SSBP4: variants seen among roughly 807,000 people sequenced by gnomAD.
The protein encoded by SSBP4 is single stranded DNA binding protein 4.
A neutral mutation model predicts 64.6 loss-of-function variants in SSBP4; 33 were observed. That is an observed-to-expected ratio of 0.51 (90% confidence interval 0.39 to 0.68). The LOEUF is 0.68. Among genes scored for constraint, SSBP4 ranks in the 30% least tolerant of loss-of-function variants. The probability of loss-of-function intolerance (pLI) is 0.00; values close to 1 mark genes in which losing one functional copy is unlikely to be tolerated. For synonymous variants in SSBP4, 243 were observed against 224.0 expected (o/e 1.08, Z -0.76); for missense variants, 583 against 566.8 (o/e 1.03, Z -0.29).
At chr19:18,408,801 A>T in the SSBP4 span, among the ~76,000 whole-genome samples, 1 of 151,152 alleles carries the variant, frequency 6.6e-6, no homozygotes, top group Non-Finnish European at 1.5e-5. Context: ...CAAACCACCA[A>T]ATTAAGACAG....
At chr19:18,419,921 G>A (rs1465201811) in intron 1 of SSBP4, among the ~76,000 whole-genome samples, 1 of 150,572 alleles carries the variant, frequency 6.6e-6, no homozygotes, top group African/African-American at 2.4e-5. Context: ...CGGAGTTGAG[G>A]GTTGGCGGGC....
intron 1 of SSBP4, among the ~76,000 whole-genome samples, chr19:18,425,181 G>T (rs1029151973): frequency 6.6e-6 from 1 of 152,060 alleles, no homozygotes. Context: ...GACAAGGAAG[G>T]CAGGTAGAAC....
chr19:18,405,207 G>C, the SSBP4 span, among the ~76,000 whole-genome samples: 1 of 152,112 alleles, frequency 6.6e-6, no homozygotes, highest in African/African-American at 2.4e-5. Flanking sequence ...GCCTGGCCCT[G>C]TGGAGTCAGA....
At chr19:18,428,946 C>T (rs964265533) in intron 4 of SSBP4, among the ~76,000 whole-genome samples, 2 of 152,200 alleles carry the variant, frequency 1.3e-5, no homozygotes, top group Admixed American at 6.5e-5. Context: ...CCATCCCTGC[C>T]GTCTGGGTCT....
the SSBP4 span, among the ~76,000 whole-genome samples, chr19:18,410,701 T>A: frequency 6.6e-6 from 1 of 151,904 alleles, no homozygotes; most frequent in Non-Finnish European, 1.5e-5. Flanking sequence ...CCTTGGGGTC[T>A]TAGCTCAGGG....
chr19:18,407,891 C>T, the SSBP4 span, among the ~76,000 whole-genome samples: 1 of 152,056 alleles, frequency 6.6e-6, no homozygotes, highest in Non-Finnish European at 1.5e-5. Context: ...TACAGGTGCA[C>T]ACCACCACAC....
chr19:18,432,611 C>T lies in SSBP4; in HGVS notation c.750+7C>T. ...CAGCCCCAGTGGAAACTCGGTGAGC[C>T]TATGGCTGGGTGGGCAGGCTTGGGG... is the stretch of plus-strand genomic sequence containing the variant. On this transcript the variant is annotated splice_region_variant and intron_variant, in intron 11 of 17. Coordinates refer to ENST00000270061, the MANE Select transcript of SSBP4 (RefSeq NM_032627.5). The T allele has an allele frequency of 8.2e-7, 1 of 1,213,636 alleles. No homozygotes were observed. Among genetic ancestry groups the T allele is most frequent in the African/African-American group, 1.8e-5 (1 of 55,766 alleles). The allele number at this position is 1,213,636 out of a possible 1,614,324, so 75.2% of individuals were successfully genotyped here. A position where few individuals can be genotyped will look rare whatever the true frequency, so the allele number is the denominator to read the frequency against.
In SSBP4 at chr19:18,432,957, T is replaced by C; in HGVS notation, c.842-16T>C. 1 of 1,614,120 alleles carries C rather than the reference T, an allele frequency of 6.2e-7. No individual in the cohort carries two copies. Reference sequence around the variant, plus strand: ...GGAAACCCCGTCACACCTGGCACCCTTCTGGTCTCCCCCAGATTCCACCAA... The same window carrying C: ...GGAAACCCCGTCACACCTGGCACCCCTCTGGTCTCCCCCAGATTCCACCAA... On this transcript the variant is annotated splice_polypyrimidine_tract_variant and intron_variant, in intron 13 of 17. Transcript: ENST00000270061.
chr19:18,431,212 TGAGTCCTGCCC>T lies in SSBP4; in HGVS notation c.370-140_370-130del. On this transcript the variant is annotated intron_variant, in intron 5 of 17. Coordinates refer to ENST00000270061, the MANE Select transcript of SSBP4 (RefSeq NM_032627.5). ...AGTGGTCCTGGTGACCACTGGTGCC[TGAGTCCTGCCC>T]TCAAGCCTTCCCACAAGGTCCCTGT... is the stretch of plus-strand genomic sequence containing the variant. 5.7e-5 allele frequency: 14 copies of T among 244,734 alleles called. 4 individuals carry two copies. The highest frequency in any genetic ancestry group is 1.9e-4 in the South Asian group (3 of 16,094). The allele number at this position is 244,734 out of a possible 1,614,324, so 15.2% of individuals were successfully genotyped here. A position where few individuals can be genotyped will look rare whatever the true frequency, so the allele number is the denominator to read the frequency against.
At chr19:18,404,166 AC>A in the SSBP4 span, among the ~76,000 whole-genome samples, 1 of 151,376 alleles carries the variant, frequency 6.6e-6, no homozygotes, top group South Asian at 2.1e-4. Context: ...AACCTCAGAG[AC>A]CCCCAAGATC....
chr19:18,414,133 G>T (rs1027876721), upstream of SSBP4, among the ~76,000 whole-genome samples: 9 of 152,248 alleles, frequency 5.9e-5, no homozygotes, highest in Non-Finnish European at 1.3e-4. Flanking sequence ...AGGATGGGCT[G>T]CAGCCAGCGT....
intron 16 of SSBP4, 48 bp downstream of exon 16, chr19:18,433,661 G>T (rs1973708718): frequency 7.4e-7 from 1 of 1,349,758 alleles, no homozygotes; most frequent in Admixed American, 3.6e-5. Context: ...GGGGGGTGGC[G>T]GGGAGGGGGC....
chr19:18,430,759 C>T (rs530432745), intron 4 of SSBP4, 82 bp from the exon 5 acceptor site: 4 of 1,186,266 alleles, frequency 3.4e-6, no homozygotes, highest in African/African-American at 6.5e-5. Context: ...GGCCGGCCAC[C>T]TGCAGAGAGG....
Position 18,427,527 on chromosome 19 carries a change from G to A in SSBP4, c.132+104G>A. 7.1e-7 allele frequency: 1 copy of A among 1,417,662 alleles called. No homozygotes were observed. Among genetic ancestry groups the A allele is most frequent in the Non-Finnish European group, 9.6e-7 (1 of 1,040,910 alleles). The allele number at this position is 1,417,662 out of a possible 1,614,324, so 87.8% of individuals were successfully genotyped here. A position where few individuals can be genotyped will look rare whatever the true frequency, so the allele number is the denominator to read the frequency against. On this transcript the variant is annotated intron_variant, in intron 2 of 17. Coordinates refer to ENST00000270061, the MANE Select transcript of SSBP4 (RefSeq NM_032627.5). This position sits in a 1 kb window ranked among gnomAD's most constrained non-coding sequence, Gnocchi z 4.4. ...GGTGGGCCCGCGTTGCCCCTCTGAT[G>A]GCCCTGGGAACTGAGGGCTCTGCAG...
chr19:18,418,096 GCGACTCGGCC>G (rs1398745405), upstream of SSBP4, among the ~76,000 whole-genome samples: 6 of 152,120 alleles, frequency 3.9e-5, no homozygotes, highest in Admixed American at 3.9e-4. The surrounding 1 kb of genome is among the most constrained non-coding windows in gnomAD (Gnocchi z 6.7). Flanking sequence ...ACCTCACTGA[GCGACTCGGCC>G]CGACTCGGAC....
the SSBP4 span, among the ~76,000 whole-genome samples, chr19:18,413,777 G>A: frequency 1.3e-5 from 2 of 152,132 alleles, no homozygotes; most frequent in African/African-American, 4.8e-5. Flanking sequence ...AGCACTTTGG[G>A]AGGCCAAGGC....
At chr19:18,403,910 T>TC in the SSBP4 span, among the ~76,000 whole-genome samples, 1 of 151,934 alleles carries the variant, frequency 6.6e-6, no homozygotes, top group Non-Finnish European at 1.5e-5. Context: ...AGAGGCCACC[T>TC]CCCTGGGGTC....
intron 4 of SSBP4, among the ~76,000 whole-genome samples, chr19:18,430,563 C>T (rs1973276875): frequency 1.3e-5 from 2 of 152,148 alleles, no homozygotes; most frequent in Admixed American, 1.3e-4. Context: ...GTTGGGGACC[C>T]AGCTGAGCTG....
upstream of SSBP4, among the ~76,000 whole-genome samples, chr19:18,417,784 G>C (rs996022054): frequency 4.6e-5 from 7 of 152,138 alleles, no homozygotes; most frequent in Non-Finnish European, 7.4e-5. The surrounding 1 kb of genome is among the most constrained non-coding windows in gnomAD (Gnocchi z 5.4). Context: ...TCGGGGAGGA[G>C]GCGGGGCTGG....
Sources: gnomAD v4.1 joint callset for allele counts (sites outside exome capture counted in the v4.1 genomes callset) on GRCh38, gnomAD v4.1.1 for gene constraint, Gnocchi (gnomAD v3.1) non-coding constraint, MANE v1.5 for transcripts, NCBI Gene and HGNC (gene_info 2026-07-23, HGNC 2026-07-21) for gene names.